The following FGD4 variants were observed in gnomAD, a reference collection of about 807,000 sequenced individuals.
The protein encoded by FGD4 is FYVE, RhoGEF and PH domain-containing protein 4.
Under a neutral mutation model 102.0 loss-of-function variants are expected in FGD4, and 42 were observed. The ratio of observed to expected loss-of-function variants is 0.41; its 90% CI spans 0.32 to 0.53. The LOEUF (loss-of-function observed/expected upper bound fraction) is 0.53, where lower values mean the gene tolerates loss of function less well. FGD4 is among the 20% of genes least tolerant of loss of function. The pLI, the probability that FGD4 is intolerant of heterozygous loss-of-function variation, is 0.21. For synonymous variants in FGD4, 380 were observed against 375.7 expected (o/e 1.01, Z -0.13); for missense variants, 902 against 1,078.2 (o/e 0.84, Z 2.29).
At chr12:32,483,122 T>TTG (rs963811493) in intron 1 of FGD4, among the ~76,000 whole-genome samples, 5 of 151,976 alleles carry the variant, frequency 3.3e-5, no homozygotes, top group South Asian at 2.1e-4. Flanking sequence ...ATGATAATTT[T>TTG]TGTGTGTGTG....
At chr12:32,554,345 A>G (rs1407505585) in intron 1 of FGD4, among the ~76,000 whole-genome samples, 1 of 152,198 alleles carries the variant, frequency 6.6e-6, no homozygotes, top group East Asian at 1.9e-4. Context: ...GGAAATATCA[A>G]ATTTTATATA....
At chr12:32,439,429 GAT>G (rs1157500351) in intron 1 of FGD4, among the ~76,000 whole-genome samples, 1 of 152,204 alleles carries the variant, frequency 6.6e-6, no homozygotes, top group Non-Finnish European at 1.5e-5. Context: ...TGGGGATGCA[GAT>G]AACTCTGACA....
In FGD4 at chr12:32,544,021, A is replaced by T. The variant is rs1036181312; in HGVS notation, c.167-20116A>T. Among the ~76,000 whole-genome samples, 7 of 152,202 alleles carry T rather than the reference A, an allele frequency of 4.6e-5. No homozygotes were observed. Among genetic ancestry groups the T allele is most frequent in the Admixed American group, 4.6e-4 (7 of 15,278 alleles). On this transcript the variant is annotated intron_variant, in intron 1 of 16. Coordinates refer to ENST00000534526, the MANE Select transcript of FGD4 (RefSeq NM_001370298.3). This position sits in a 1 kb window ranked among gnomAD's most constrained non-coding sequence, Gnocchi z 4.1. ...TGTCACAAATGGATTCTAAAATCAGATAATCTTACTATTACTTATCTGTGA... is the reference window on the plus strand; with the variant it reads ...TGTCACAAATGGATTCTAAAATCAGTTAATCTTACTATTACTTATCTGTGA...
intron 2 of FGD4, among the ~76,000 whole-genome samples, chr12:32,572,583 A>C (rs1467201562): frequency 6.6e-6 from 1 of 152,240 alleles, no homozygotes; most frequent in Non-Finnish European, 1.5e-5. Flanking sequence ...GCCAATAGAG[A>C]CTGATAATAA....
intron 1 of FGD4, among the ~76,000 whole-genome samples, chr12:32,480,664 C>T (rs1413967090): frequency 1.3e-5 from 2 of 150,576 alleles, no homozygotes; most frequent in African/African-American, 2.4e-5. Flanking sequence ...CCATGGCCAG[C>T]TAATTTTTGT....
At chr12:32,479,600 ACAGACCT>A (rs1215896016) in intron 1 of FGD4, among the ~76,000 whole-genome samples, 1 of 148,962 alleles carries the variant, frequency 6.7e-6, no homozygotes, top group Non-Finnish European at 1.5e-5. Flanking sequence ...CTGTATTTTC[ACAGACCT>A]CTCACTGCTA....
chr12:32,514,637 G>T (rs1334845472), intron 1 of FGD4, among the ~76,000 whole-genome samples: 1 of 151,710 alleles, frequency 6.6e-6, no homozygotes, highest in Non-Finnish European at 1.5e-5. Flanking sequence ...TCAGCCTCCT[G>T]TGTAGCTGGG....
At chr12:32,638,530 A>G in intron 15 of FGD4, 125 bp from the exon 16 acceptor site, 2 of 1,284,430 alleles carry the variant, frequency 1.6e-6, no homozygotes, top group South Asian at 1.3e-5. Context: ...TTTAAACAAT[A>G]ATTGCAAATG....
chr12:32,595,948 G>A (rs1947856470), intron 4 of FGD4, among the ~76,000 whole-genome samples: 1 of 152,196 alleles, frequency 6.6e-6, no homozygotes, highest in African/African-American at 2.4e-5. Context: ...AGGATCTTGT[G>A]TGTAAAGTGT....
At chr12:32,522,813 G>A (rs371650424) in intron 1 of FGD4, among the ~76,000 whole-genome samples, 24 of 152,350 alleles carry the variant, frequency 1.6e-4, no homozygotes, top group African/African-American at 5.1e-4. Flanking sequence ...TTGAGATTGC[G>A]TTCTAAGTGC....
At chr12:32,496,652 A>C (rs929339421) in intron 1 of FGD4, among the ~76,000 whole-genome samples, 2 of 152,266 alleles carry the variant, frequency 1.3e-5, no homozygotes, top group Non-Finnish European at 2.9e-5. Flanking sequence ...TAATTAATAC[A>C]TAAACATAAA....
At chr12:32,473,414 G>T (rs1490110176) in intron 1 of FGD4, among the ~76,000 whole-genome samples, 1 of 152,036 alleles carries the variant, frequency 6.6e-6, no homozygotes, top group African/African-American at 2.4e-5. Context: ...CCCACTGGGG[G>T]GAAGGAACAA....
At position 32,643,278 on chromosome 12, in the gene FGD4, C is replaced by T. The variant is rs966053048; in HGVS notation, c.*2745C>T. ...TTTTGTAATAATGGCATCACAGTGT[C>T]ATCATGTATGCAAGCAATAAAACTC... On this transcript the variant is annotated 3_prime_UTR_variant, in exon 17 of 17. Coordinates refer to ENST00000534526, the MANE Select transcript of FGD4 (RefSeq NM_001370298.3). 1.3e-5 allele frequency: 2 copies of T among 152,432 alleles called. No individual in the cohort carries two copies. The highest frequency in any genetic ancestry group is 1.5e-5 in the Non-Finnish European group (1 of 67,946). The allele number at this position is 152,432 out of a possible 1,614,324, so 9.4% of individuals were successfully genotyped here. A position where few individuals can be genotyped will look rare whatever the true frequency, so the allele number is the denominator to read the frequency against.
chr12:32,568,878 A>AT (rs918524609), intron 2 of FGD4, among the ~76,000 whole-genome samples: 1 of 152,058 alleles, frequency 6.6e-6, no homozygotes, highest in Non-Finnish European at 1.5e-5. Context: ...TGAATGATCA[A>AT]TTTTTTTTCC....
intron 1 of FGD4, among the ~76,000 whole-genome samples, chr12:32,470,463 CT>C (rs551854980): frequency 0.16 from 21,365 of 130,356 alleles, 1,313 homozygotes; most frequent in East Asian, 0.22. Flanking sequence ...TTTTCTTTTT[CT>C]TTTTTTTTTT....
At chr12:32,495,610 G>T (rs527570456) in intron 1 of FGD4, among the ~76,000 whole-genome samples, 22 of 150,986 alleles carry the variant, frequency 1.5e-4, no homozygotes, top group African/African-American at 4.6e-4. Context: ...GCAGGAGAAT[G>T]TTGTGAGCCC....
At chr12:32,497,635 A>G (rs541237397) in intron 1 of FGD4, among the ~76,000 whole-genome samples, 1 of 152,302 alleles carries the variant, frequency 6.6e-6, no homozygotes, top group Admixed American at 6.5e-5. Flanking sequence ...ACCATTTGTC[A>G]AGAAGGAGTT....
At chr12:32,545,179 G>A (rs1943135367) in intron 1 of FGD4, among the ~76,000 whole-genome samples, 1 of 152,172 alleles carries the variant, frequency 6.6e-6, no homozygotes, top group South Asian at 2.1e-4. Context: ...CAATCGCATG[G>A]TAGGCATGCA....
intron 1 of FGD4, among the ~76,000 whole-genome samples, chr12:32,454,749 T>G (rs1353763932): frequency 1.3e-5 from 2 of 152,168 alleles, no homozygotes; most frequent in Non-Finnish European, 2.9e-5. Flanking sequence ...GACCAAATAT[T>G]TTGCTGGTAT....
Sources: allele counts gnomAD v4.1 joint callset (sites outside exome capture counted in the v4.1 genomes callset), GRCh38; gene constraint gnomAD v4.1.1; non-coding constraint Gnocchi (gnomAD v3.1); transcripts MANE v1.5; gene names NCBI Gene and HGNC (gene_info 2026-07-23, HGNC 2026-07-21).